Variants in CAD observed in about 807,000 individuals in gnomAD.
CAD encodes carbamoyl-phosphate synthetase 2, aspartate transcarbamylase, and dihydroorotase.
Under a neutral mutation model 237.2 loss-of-function variants are expected in CAD, and 81 were observed. The ratio of observed to expected loss-of-function variants is 0.34; its 90% CI spans 0.29 to 0.41. The LOEUF (loss-of-function observed/expected upper bound fraction) is 0.41. Among genes scored for constraint, CAD ranks in the 10% least tolerant of loss-of-function variants. CAD has a pLI of 1.00. For synonymous variants in CAD, 1,196 were observed against 1,162.8 expected (o/e 1.03, Z -0.58); for missense variants, 2,181 against 2,951.7 (o/e 0.74, Z 6.05).
intron 15 of CAD, among the ~76,000 whole-genome samples, chr2:27,228,513 C>T (rs1427605352): frequency 6.6e-6 from 1 of 152,192 alleles, no homozygotes. Context: ...CGCTTGAGCC[C>T]ACGAGTTCAA....
rs780738729 is a variant in CAD at position 27,237,673 on chromosome 2, T to G, written c.4564-45T>G. 141 of 1,588,574 alleles carry G rather than the reference T, an allele frequency of 8.9e-5. 2 individuals are homozygous for G. The East Asian group carries it at 3.1e-3, about 35-fold the overall frequency. ...GCCACTGGTGCCAGGCTAGCCTGTG[T>G]GGGCATGGGTGCCAGTGAGCCTTAC... On this transcript the variant is annotated intron_variant, in intron 28 of 43. Coordinates refer to ENST00000264705, the MANE Select transcript of CAD (RefSeq NM_004341.5). The surrounding 1 kb of genome is among the most constrained non-coding windows in gnomAD (Gnocchi z 4.0).
chr2:27,219,214 C>T (rs1016560952), intron 2 of CAD, among the ~76,000 whole-genome samples: 1 of 152,240 alleles, frequency 6.6e-6, no homozygotes, highest in Non-Finnish European at 1.5e-5. Context: ...TGGACAGTCT[C>T]AGAATGCAGG....
rs201710900 is a variant in CAD at position 27,233,451 on chromosome 2, C to G, written c.3131C>G (p.Ser1044Trp). 69 of 1,614,116 alleles carry G rather than the reference C, an allele frequency of 4.3e-5. No individual in the cohort carries two copies. Among genetic ancestry groups the G allele is most frequent in the Non-Finnish European group, 5.7e-5 (67 of 1,180,048 alleles). Residue 1044 changes from serine to tryptophan, a missense_variant, in exon 20 of 44, where the codon TCG becomes TGG. Ser to Trp is a radical substitution (Grantham distance 177). This residue lies in a region of CAD where 306 missense variants were observed against 607.9 expected (regional missense o/e 0.50). Transcript: ENST00000264705. This position sits in a 1 kb window ranked among gnomAD's most constrained non-coding sequence, Gnocchi z 6.3. ...VLGTSPEAID[S>W]AENRFKFSRL... is the part of the protein sequence containing the mutation. ...GGCACCTCCCCTGAAGCCATTGACTCGGCTGAGAACCGTTTCAAGTTTTCC... is the reference window on the plus strand; with the variant it reads ...GGCACCTCCCCTGAAGCCATTGACTGGGCTGAGAACCGTTTCAAGTTTTCC...
Position 27,217,503 on chromosome 2 carries a change from A to C in CAD, c.-49A>C. 6.8e-7 allele frequency: 1 copy of C among 1,473,976 alleles called. No individual in the cohort carries two copies. Among genetic ancestry groups the C allele is most frequent in the Non-Finnish European group, 9.3e-7 (1 of 1,072,540 alleles). 91.3% of individuals were successfully genotyped at this position (1,473,976 alleles called of 1,614,324 possible). On this transcript the variant is annotated 5_prime_UTR_variant, in exon 1 of 44. Coordinates refer to ENST00000264705, the MANE Select transcript of CAD (RefSeq NM_004341.5). ...CTCACGTGGTTCCAGTGGAGTTTGC[A>C]GTCCTTCCCGCTTCTCCGTACTCGC...
At position 27,221,250 on chromosome 2, in the gene CAD, A is replaced by C; in HGVS notation, c.255A>C (p.Ala85=). The change falls in exon 3 of 44, where the codon GCA becomes GCC. Residue 85 remains alanine, a synonymous_variant. Coordinates refer to ENST00000264705, the MANE Select transcript of CAD (RefSeq NM_004341.5). ...AATCCTCGGGCATCCACGTAGCAGC[A>C]CTGGTAGTGGGAGAGTGCTGTCCTA... ...WFESSGIHVA[A]LVVGECCPTP... is the part of the protein sequence containing the mutation. The C allele has an allele frequency of 5.1e-6, 8 of 1,580,186 alleles. No homozygotes were observed. Among genetic ancestry groups the C allele is most frequent in the Non-Finnish European group, 6.9e-6 (8 of 1,161,646 alleles).
At chr2:27,226,359 C>T (rs1046546658) in intron 13 of CAD, 40 bp downstream of exon 13, 2 of 1,592,496 alleles carry the variant, frequency 1.3e-6, no homozygotes, top group Non-Finnish European at 1.7e-6. Flanking sequence ...TAGTTGTTAC[C>T]CCCTCTTCTT....
chr2:27,230,844 G>A (rs1434617781), intron 15 of CAD, among the ~76,000 whole-genome samples: 1 of 152,206 alleles, frequency 6.6e-6, no homozygotes, highest in East Asian at 1.9e-4. Flanking sequence ...TTGGGCCACT[G>A]TGATAAACTT....
rs9679426 is a variant in CAD at position 27,237,919 on chromosome 2, G to A, written c.4728+37G>A. 1.9e-6 allele frequency: 3 copies of A among 1,582,282 alleles called. No homozygotes were observed. Among genetic ancestry groups the A allele is most frequent in the Non-Finnish European group, 2.6e-6 (3 of 1,161,330 alleles). ...GCATGTGGCAGGAGGCCACCACCCA[G>A]TGTCTCCTGGCTTGTGGGCCCCTGC... On this transcript the variant is annotated intron_variant, in intron 29 of 43. Transcript: ENST00000264705. This position sits in a 1 kb window ranked among gnomAD's most constrained non-coding sequence, Gnocchi z 4.0.
At position 27,224,012 on chromosome 2, in the gene CAD, A is replaced by G. The variant is rs1196896270; in HGVS notation, c.1091A>G (p.Asn364Ser). ...ACTGTGAAAGAGGCCACAGCTGGGA[A>G]CCCTGGGGGCCAGACAGGTAAGATC... ...LETVKEATAG[N>S]PGGQTVRERL... The change falls in exon 8 of 44, where the codon AAC becomes AGC. Residue 364 changes from asparagine to serine, a missense_variant. Asn to Ser is a conservative substitution (Grantham distance 46). This residue lies in a region of CAD where 129 missense variants were observed against 143.3 expected (regional missense o/e 0.90). Coordinates refer to ENST00000264705, the MANE Select transcript of CAD (RefSeq NM_004341.5). The G allele has an allele frequency of 6.2e-7, 1 of 1,613,008 alleles. No homozygotes were observed. The highest frequency in any genetic ancestry group is 8.5e-7 in the Non-Finnish European group (1 of 1,179,084).
chr2:27,226,001 G>A, intron 12 of CAD, 75 bp downstream of exon 12: 2 of 1,520,456 alleles, frequency 1.3e-6, no homozygotes, highest in Non-Finnish European at 1.8e-6. Context: ...CCAGGCCAAG[G>A]TCTTTGAGAG....
chr2:27,219,816 C>T (rs1046260425), intron 2 of CAD, among the ~76,000 whole-genome samples: 10 of 151,998 alleles, frequency 6.6e-5, no homozygotes, highest in Admixed American at 3.3e-4. Context: ...TTTGAACTCC[C>T]GATCACAGGT....
rs1675798037 is a variant in CAD at position 27,232,283 on chromosome 2, G to A, written c.2645+59G>A. 1.2e-6 allele frequency: 2 copies of A among 1,602,178 alleles called. No homozygotes were observed. Among genetic ancestry groups the A allele is most frequent in the African/African-American group, 2.7e-5 (2 of 74,906 alleles). On this transcript the variant is annotated intron_variant, in intron 17 of 43. Transcript: ENST00000264705. This position sits in a 1 kb window ranked among gnomAD's most constrained non-coding sequence, Gnocchi z 4.1. ...AATGTGGGGCAGAACCTTTGTATCA[G>A]TGAGGGACCCTTGGGAGGGAGGAAG...
At position 27,243,426 on chromosome 2, in the gene CAD, G is replaced by A. The variant is rs1281360562; in HGVS notation, c.6586G>A (p.Asp2196Asn). ...TTTTTTTTTTTGCAGCGTGGAAGTG[G>A]ACTCGGATCCCCGCGCAGCCTACTT... ...PRVNEISVEV[D>N]SDPRAAYFRQ... Residue 2196 changes from aspartate (D) to asparagine (N), a missense_variant, in exon 44 of 44, where the codon GAC (aspartate) becomes AAC (asparagine). Transcript: ENST00000264705. The A allele has an allele frequency of 6.3e-7, 1 of 1,593,132 alleles. No individual in the cohort carries two copies. The highest frequency in any genetic ancestry group is 2.2e-5 in the East Asian group (1 of 44,498).
At position 27,217,614 on chromosome 2, in the gene CAD, G is replaced by A; in HGVS notation, c.63G>A (p.Val21=). ...VLRGQPFGAA[V]STAGEVVFQT... ...GGGGCCAGCCCTTTGGGGCCGCCGT[G>A]TCGACTGCCGGGGAAGTGGGTAAGC... The change falls in exon 1 of 44, where the codon GTG becomes GTA. Residue 21 remains valine (V), a synonymous_variant. Transcript: ENST00000264705. 1.9e-6 allele frequency: 3 copies of A among 1,607,750 alleles called. No individual in the cohort carries two copies. Among genetic ancestry groups the A allele is most frequent in the Non-Finnish European group, 2.5e-6 (3 of 1,177,476 alleles).
rs769696459 is a variant in CAD, at chr2:27,243,565, A to G, written c.*47A>G. Reference sequence around the variant, plus strand: ...TCTCTTTAGGCCCAGCTGCTGGGCAAGGAATTCCAGTGCCTCCTACGGGGG... The same window carrying G: ...TCTCTTTAGGCCCAGCTGCTGGGCAGGGAATTCCAGTGCCTCCTACGGGGG... On this transcript the variant is annotated 3_prime_UTR_variant, in exon 44 of 44. Transcript: ENST00000264705. 5.6e-6 allele frequency: 8 copies of G among 1,417,222 alleles called. No individual in the cohort carries two copies. The South Asian group carries it at 6.1e-5, about 11-fold the overall frequency. 87.8% of individuals were successfully genotyped at this position (1,417,222 alleles called of 1,614,324 possible). A position where few individuals can be genotyped will look rare whatever the true frequency, so the allele number is the denominator to read the frequency against.
At position 27,226,250 on chromosome 2, in the gene CAD, G is replaced by T; in HGVS notation, c.1962G>T (p.Lys654Asn). ...EYQLLRQTAI[K>N]VTQHLGIVGE... ...AGCTCCTGAGGCAGACAGCTATCAAGGTGACCCAGCACCTGGGAATTGTTG... is the reference window on the plus strand; with the variant it reads ...AGCTCCTGAGGCAGACAGCTATCAATGTGACCCAGCACCTGGGAATTGTTG... The change falls in exon 13 of 44, where the codon AAG becomes AAT. Residue 654 changes from lysine to asparagine, a missense_variant. By Grantham distance (94) the Lys-to-Asn change is moderately conservative. This residue lies in a region of CAD where 385 missense variants were observed against 535.1 expected (regional missense o/e 0.72). Transcript: ENST00000264705. 6.2e-7 allele frequency: 1 copy of T among 1,614,228 alleles called. No individual in the cohort carries two copies. The highest frequency in any genetic ancestry group is 8.5e-7 in the Non-Finnish European group (1 of 1,180,024).
rs755815092 is a variant in CAD, at chr2:27,240,884, A to G, written c.5594-27A>G. 1.9e-5 allele frequency: 31 copies of G among 1,613,040 alleles called. No individual in the cohort carries two copies. Among genetic ancestry groups the G allele is most frequent in the Admixed American group, 1.2e-4 (7 of 59,998 alleles). ...CTTTCCAAACCTCAGCCATAAATGT[A>G]TATCTGTCCTCTTGTCCTGTTTGCA... On this transcript the variant is annotated intron_variant, in intron 35 of 43. Transcript: ENST00000264705. This position sits in a 1 kb window ranked among gnomAD's most constrained non-coding sequence, Gnocchi z 4.6.
intron 1 of CAD, 43 bp from the exon 2 acceptor site, chr2:27,217,834 G>T (rs767387166): frequency 5.1e-6 from 8 of 1,554,250 alleles, no homozygotes; most frequent in Non-Finnish European, 7.0e-6. Context: ...GGAGTGTTCC[G>T]AAGGGTGCCC....
intron 15 of CAD, among the ~76,000 whole-genome samples, chr2:27,228,068 C>A (rs1389690433): frequency 6.6e-6 from 1 of 152,186 alleles, no homozygotes; most frequent in African/African-American, 2.4e-5. Context: ...CTACTGTTAA[C>A]ATCGTAGTGT....
Sources: allele counts gnomAD v4.1 joint callset (sites outside exome capture counted in the v4.1 genomes callset), GRCh38; gene constraint gnomAD v4.1.1; regional missense constraint gnomAD v4.1.1; non-coding constraint Gnocchi (gnomAD v3.1); transcripts MANE v1.5; gene names NCBI Gene and HGNC (gene_info 2026-07-23, HGNC 2026-07-21).